MTMR7: variants seen among roughly 807,000 people sequenced by gnomAD.
MTMR7 encodes myotubularin related protein 7, also known as phosphatidylinositol-3-phosphate phosphatase MTMR7.
A neutral mutation model predicts 81.2 loss-of-function variants in MTMR7; 76 were observed. The ratio of observed to expected loss-of-function variants is 0.94; its 90% CI spans 0.78 to 1.13. MTMR7 has a LOEUF of 1.13. Ranked by LOEUF, MTMR7 falls within the 50% of genes most tolerant of loss-of-function variation. MTMR7 has a pLI of 0.00. For synonymous variants in MTMR7, 372 were observed against 289.8 expected, an observed-to-expected ratio of 1.28 and a Z score of -2.88; for missense variants, 1,044 against 820.0, an observed-to-expected ratio of 1.27 and a Z score of -3.34.
chr8:17,318,250 C>G (rs147685314), intron 7 of MTMR7, among the ~76,000 whole-genome samples: 141 of 152,170 alleles, frequency 9.3e-4, no homozygotes, highest in African/African-American at 3.2e-3. Context: ...TTATCATGCT[C>G]GGGCTGGGAA....
At chr8:17,376,748 T>G (rs1281778669) in intron 1 of MTMR7, among the ~76,000 whole-genome samples, 1 of 152,172 alleles carries the variant, frequency 6.6e-6, no homozygotes. Context: ...ACCATTGAGT[T>G]TCATGCTGAT....
chr8:17,400,023 C>G (rs796282361), intron 1 of MTMR7, among the ~76,000 whole-genome samples: 8 of 152,134 alleles, frequency 5.3e-5, no homozygotes, highest in African/African-American at 1.9e-4. Flanking sequence ...GTATGCTTTT[C>G]TCTAGGATTG....
At chr8:17,402,663 T>G (rs1821461983) in intron 1 of MTMR7, among the ~76,000 whole-genome samples, 1 of 152,212 alleles carries the variant, frequency 6.6e-6, no homozygotes, top group African/African-American at 2.4e-5. Context: ...ATTCGTCTGT[T>G]GATGGCCACT....
At chr8:17,317,458 A>G (rs1402816324) in intron 7 of MTMR7, among the ~76,000 whole-genome samples, 1 of 152,178 alleles carries the variant, frequency 6.6e-6, no homozygotes, top group Non-Finnish European at 1.5e-5. Context: ...CCATACTTAC[A>G]CTTTCACTTA....
At chr8:17,335,635 TTCTC>T (rs1379569708) in intron 6 of MTMR7, among the ~76,000 whole-genome samples, 1 of 152,200 alleles carries the variant, frequency 6.6e-6, no homozygotes, top group Non-Finnish European at 1.5e-5. Context: ...ATGACGGTCT[TTCTC>T]TCTCCCTCCT....
intron 7 of MTMR7, among the ~76,000 whole-genome samples, chr8:17,327,371 A>G (rs2285278): frequency 0.34 from 51,560 of 151,994 alleles, 11,832 homozygotes; most frequent in African/African-American, 0.65. Context: ...CCCAGGCCCA[A>G]GTGATCCTCC....
chr8:17,359,939 T>C (rs975341858), intron 4 of MTMR7, among the ~76,000 whole-genome samples: 8 of 152,282 alleles, frequency 5.3e-5, no homozygotes, highest in Admixed American at 1.3e-4. Flanking sequence ...ATAAAAATTA[T>C]ATTAAAATGC....
chr8:17,301,912 A>C, intron 13 of MTMR7: 3 of 443,206 alleles, frequency 6.8e-6, no homozygotes, highest in Non-Finnish European at 7.9e-6. Context: ...GTTGACCTAA[A>C]ATAAGGAACA....
chr8:17,309,611 G>A (rs953570254), intron 9 of MTMR7, among the ~76,000 whole-genome samples: 3 of 152,106 alleles, frequency 2.0e-5, no homozygotes, highest in Non-Finnish European at 2.9e-5. Flanking sequence ...ATTGCTTTAC[G>A]TATGATCTCT....
chr8:17,384,522 C>T (rs1257875986), intron 1 of MTMR7, among the ~76,000 whole-genome samples: 1 of 152,196 alleles, frequency 6.6e-6, no homozygotes, highest in Admixed American at 6.5e-5. Context: ...CTGTGTGAAA[C>T]TCACAGAAAC....
intron 6 of MTMR7, among the ~76,000 whole-genome samples, chr8:17,332,318 C>A (rs887732808): frequency 4.6e-5 from 7 of 152,280 alleles, no homozygotes; most frequent in Admixed American, 4.6e-4. Context: ...TGTTCTTTGA[C>A]ACAGATCTCC....
intron 4 of MTMR7, among the ~76,000 whole-genome samples, chr8:17,357,582 T>G (rs28478471): frequency 0.023 from 3,515 of 152,274 alleles, 138 homozygotes; most frequent in African/African-American, 0.08. Context: ...CACAAAATGA[T>G]GTCGAGCAAA....
chr8:17,336,446 C>T (rs529058325), intron 6 of MTMR7, among the ~76,000 whole-genome samples: 8 of 152,250 alleles, frequency 5.3e-5, no homozygotes, highest in South Asian at 4.1e-4. Flanking sequence ...GCTGCCATGA[C>T]GGCCACCAGC....
chr8:17,372,431 CAAAA>C (rs1245626096), intron 2 of MTMR7, among the ~76,000 whole-genome samples: 1 of 151,950 alleles, frequency 6.6e-6, no homozygotes, highest in African/African-American at 2.4e-5. Flanking sequence ...ACTAAAAACA[CAAAA>C]AAGTCAGCCA....
intron 1 of MTMR7, among the ~76,000 whole-genome samples, chr8:17,386,882 G>T (rs1486799699): frequency 1.3e-5 from 2 of 152,178 alleles, no homozygotes; most frequent in Non-Finnish European, 1.5e-5. Flanking sequence ...CTCCTCAGAG[G>T]GAGCCTGGGA....
intron 1 of MTMR7, among the ~76,000 whole-genome samples, chr8:17,411,461 C>A (rs1374015554): frequency 2.0e-5 from 3 of 152,168 alleles, no homozygotes. Flanking sequence ...ACGCTTCCAG[C>A]ACTTAACACA....
intron 1 of MTMR7, among the ~76,000 whole-genome samples, chr8:17,411,344 C>T (rs1368849792): frequency 2.0e-5 from 3 of 152,156 alleles, no homozygotes; most frequent in Admixed American, 1.3e-4. Context: ...GAGGGCAGAG[C>T]TGATCCTCTC....
intron 1 of MTMR7, among the ~76,000 whole-genome samples, chr8:17,411,904 C>T (rs757421065): frequency 7.9e-5 from 12 of 152,208 alleles, no homozygotes; most frequent in Non-Finnish European, 1.5e-4. Context: ...CTTTTACAAA[C>T]GGCTCCCTTC....
chr8:17,350,583 G>C (rs927445791), intron 4 of MTMR7, among the ~76,000 whole-genome samples: 1 of 152,154 alleles, frequency 6.6e-6, no homozygotes, highest in Non-Finnish European at 1.5e-5. Context: ...GATGAGATTT[G>C]GGTGGGGACA....
Sources: allele counts gnomAD v4.1 joint callset (sites outside exome capture counted in the v4.1 genomes callset), GRCh38; gene constraint gnomAD v4.1.1; transcripts MANE v1.5; gene names NCBI Gene and HGNC (gene_info 2026-07-23, HGNC 2026-07-21).